The following MCM9 variants were observed in gnomAD, a reference collection of about 807,000 sequenced individuals.
MCM9 encodes minichromosome maintenance 9 homologous recombination repair factor.
A neutral mutation model predicts 72.8 loss-of-function variants in MCM9; 55 were observed. The observed-to-expected ratio is 0.76, with a 90% CI of 0.61 to 0.95. The LOEUF (loss-of-function observed/expected upper bound fraction) is 0.95. Among genes scored for constraint, MCM9 ranks in the 40% least tolerant of loss-of-function variants. MCM9 has a pLI of 0.00. For missense variants in MCM9, 1,279 were observed against 1,377.0 expected, an observed-to-expected ratio of 0.93 and a Z score of 1.13; for synonymous variants, 480 against 503.4, an observed-to-expected ratio of 0.95 and a Z score of 0.62.
intron 8 of MCM9, among the ~76,000 whole-genome samples, chr6:118,873,220 AAAG>A (rs1777726816): frequency 1.9e-5 from 1 of 52,720 alleles, no homozygotes. Flanking sequence ...AGGGAAAGGG[AAAG>A]GGAAGGGGAA....
intron 7 of MCM9, 39 bp from the exon 8 acceptor site, chr6:118,911,808 A>G (rs765102594): frequency 2.0e-6 from 3 of 1,502,808 alleles, no homozygotes; most frequent in South Asian, 2.3e-5. Flanking sequence ...AAATTTCTAT[A>G]AAAGGGTCCA....
chr6:118,841,210 A>T (rs1320468081), intron 9 of MCM9, among the ~76,000 whole-genome samples: 1 of 152,234 alleles, frequency 6.6e-6, no homozygotes, highest in Non-Finnish European at 1.5e-5. Flanking sequence ...GTAAACTCTC[A>T]AAGTACATGG....
At chr6:118,887,606 C>T (rs1191526808) in intron 8 of MCM9, among the ~76,000 whole-genome samples, 1 of 152,016 alleles carries the variant, frequency 6.6e-6, no homozygotes, top group Non-Finnish European at 1.5e-5. Flanking sequence ...CACAATCCAA[C>T]ATAACGAAAA....
At chr6:118,874,971 G>C (rs1180923736) in intron 8 of MCM9, among the ~76,000 whole-genome samples, 1 of 152,128 alleles carries the variant, frequency 6.6e-6, no homozygotes, top group Non-Finnish European at 1.5e-5. Flanking sequence ...AAACCAGCTG[G>C]GCATGGTGGC....
At chr6:118,924,669 C>T (rs1417023576) in intron 3 of MCM9, among the ~76,000 whole-genome samples, 1 of 152,184 alleles carries the variant, frequency 6.6e-6, no homozygotes, top group African/African-American at 2.4e-5. Context: ...CCTGACTTAC[C>T]TAGCGGTTTA....
intron 8 of MCM9, among the ~76,000 whole-genome samples, chr6:118,861,570 T>C (rs1215389154): frequency 6.6e-6 from 1 of 152,198 alleles, no homozygotes; most frequent in Non-Finnish European, 1.5e-5. Context: ...GGGTAGCTGC[T>C]TTCCGCAGGC....
At chr6:118,855,328 T>A (rs1487275421) in intron 9 of MCM9, among the ~76,000 whole-genome samples, 1 of 152,240 alleles carries the variant, frequency 6.6e-6, no homozygotes, top group African/African-American at 2.4e-5. Context: ...CATTTTTATC[T>A]ATCTTTTCTA....
chr6:118,878,885 C>T lies in MCM9; in HGVS notation c.1151-22340G>A, dbSNP rs539146861. ...CAGCCTGGGCAACATGACAAAACCC[C>T]GTCTCTACTAAAAATACAAAAATTA... On this transcript the variant is annotated intron_variant, in intron 8 of 13. Coordinates refer to ENST00000619706, the MANE Select transcript of MCM9 (RefSeq NM_017696.3). 1.0e-3 allele frequency among the ~76,000 whole-genome samples: 156 copies of T among 151,938 alleles called. 1 individual carries two copies. The highest frequency in any genetic ancestry group is 3.4e-3 in the African/African-American group (142 of 41,456).
rs1007497112 is a variant in MCM9, at chr6:118,816,062, C to T, written c.2194G>A (p.Ala732Thr). ...TCATCTCTGTTATTTTTGTGCTGAG[C>T]TGAATGTTTCCTACTTGTTGATCTA... is the stretch of plus-strand genomic sequence containing the variant. ...PNRSTSRKHSAQHKNNRDDSL... is the reference protein window; with the variant it reads ...PNRSTSRKHSTQHKNNRDDSL... The change falls in exon 14 of 14, where the codon GCT becomes ACT. Residue 732 changes from alanine to threonine, a missense_variant. By Grantham distance (58) the Ala-to-Thr change is moderately conservative (BLOSUM62 0). Coordinates refer to ENST00000619706, the MANE Select transcript of MCM9 (RefSeq NM_017696.3). The T allele has an allele frequency of 7.7e-6, 12 of 1,550,010 alleles. No homozygotes were observed. The African/African-American group carries it at 1.5e-4, about 19-fold the overall frequency.
chr6:118,927,628 GA>G (rs1430225941), intron 3 of MCM9, among the ~76,000 whole-genome samples: 1 of 150,646 alleles, frequency 6.6e-6, no homozygotes, highest in Non-Finnish European at 1.5e-5. Context: ...AGCAAGAAAA[GA>G]AAGAGAAGTC....
chr6:118,892,884 T>G (rs1779041375), intron 8 of MCM9, among the ~76,000 whole-genome samples: 1 of 152,204 alleles, frequency 6.6e-6, no homozygotes, highest in Admixed American at 6.5e-5. Flanking sequence ...GACCATCAGA[T>G]GAAAACGTTT....
intron 8 of MCM9, chr6:118,894,560 G>T (rs759373405): frequency 6.7e-7 from 1 of 1,490,320 alleles, no homozygotes; most frequent in Non-Finnish European, 9.1e-7. Flanking sequence ...TGTCAGTTGC[G>T]GGCTGCAGAC....
chr6:118,932,910 C>T (rs906236738), intron 1 of MCM9, among the ~76,000 whole-genome samples, 170 bp from the exon 2 acceptor site: 2 of 152,174 alleles, frequency 1.3e-5, no homozygotes, highest in African/African-American at 4.8e-5. Context: ...AGCACCTATC[C>T]CCATTCTAGT....
rs1774347098 is a variant in MCM9, at chr6:118,828,888, C to CG, written c.1528+159dup. 5.9e-6 allele frequency: 4 copies of CG among 675,446 alleles called. No individual in the cohort carries two copies. In the East Asian group the frequency reaches 1.1e-4, roughly 19 times the overall value. 41.8% of individuals were successfully genotyped at this position (675,446 alleles called of 1,614,324 possible). A position where few individuals can be genotyped will look rare whatever the true frequency, so the allele number is the denominator to read the frequency against. ...CCTTCAACTCAGTATTCTGAGGCCCCGTAAGTGGCTCCTCTCACTGCTTTC... is the reference window on the plus strand; with the variant it reads ...CCTTCAACTCAGTATTCTGAGGCCCCGGTAAGTGGCTCCTCTCACTGCTTTC... On this transcript the variant is annotated intron_variant, in intron 10 of 13. Transcript: ENST00000619706.
At chr6:118,928,631 T>G (rs1407702190) in intron 3 of MCM9, among the ~76,000 whole-genome samples, 2 of 151,054 alleles carry the variant, frequency 1.3e-5, no homozygotes, top group African/African-American at 4.9e-5. Flanking sequence ...AAGGATCACT[T>G]GAGGCTAGGA....
At chr6:118,875,270 T>C (rs1402211391) in intron 8 of MCM9, among the ~76,000 whole-genome samples, 3 of 152,230 alleles carry the variant, frequency 2.0e-5, no homozygotes, top group Non-Finnish European at 4.4e-5. Flanking sequence ...TTTTCATGAA[T>C]AGGAAGACTT....
intron 9 of MCM9, among the ~76,000 whole-genome samples, chr6:118,850,090 GA>G (rs1562409874): frequency 6.6e-6 from 1 of 151,894 alleles, no homozygotes; most frequent in Non-Finnish European, 1.5e-5. Flanking sequence ...TGTTATAAGT[GA>G]ATGAAAACAG....
intron 3 of MCM9, among the ~76,000 whole-genome samples, chr6:118,930,314 G>T (rs190115065): frequency 6.6e-6 from 1 of 151,962 alleles, no homozygotes; most frequent in Non-Finnish European, 1.5e-5. Context: ...GGGTTTCACC[G>T]TGTTAGCCAG....
intron 6 of MCM9, among the ~76,000 whole-genome samples, chr6:118,915,663 T>C (rs909394467): frequency 6.6e-6 from 1 of 151,908 alleles, no homozygotes; most frequent in African/African-American, 2.4e-5. Context: ...GCTTCCCAAC[T>C]TCACCTCTCC....
Sources: allele counts gnomAD v4.1 joint callset (sites outside exome capture counted in the v4.1 genomes callset), GRCh38; gene constraint gnomAD v4.1.1; transcripts MANE v1.5; gene names NCBI Gene and HGNC (gene_info 2026-07-23, HGNC 2026-07-21).